Variants in ATM observed in about 807,000 individuals in gnomAD.
ATM encodes serine-protein kinase ATM.
In ATM, 308 loss-of-function variants were observed where a neutral mutation model predicts 387.0. The observed-to-expected ratio is 0.80, with a 90% CI of 0.73 to 0.87. The LOEUF is 0.87. ATM is among the 40% of genes least tolerant of loss of function. The pLI, the probability that ATM is intolerant of heterozygous loss-of-function variation, is 0.00. For missense variants in ATM, 3,312 were observed against 3,560.9 expected, an observed-to-expected ratio of 0.93 and a Z score of 1.78; for synonymous variants, 1,156 against 1,187.3, an observed-to-expected ratio of 0.97 and a Z score of 0.54.
intron 46 of ATM, 88 bp downstream of exon 46, chr11:108,325,632 T>A: frequency 8.9e-7 from 1 of 1,125,094 alleles, no homozygotes; most frequent in Non-Finnish European, 1.3e-6. Context: ...AAAAGAAATG[T>A]CATTAAGAGA....
chr11:108,292,716 G>A lies in ATM; in HGVS notation c.4534G>A (p.Ala1512Thr), dbSNP rs1060501653. 7 of 1,613,898 alleles carry A rather than the reference G, an allele frequency of 4.3e-6. No individual in the cohort carries two copies. The highest frequency in any genetic ancestry group is 5.9e-6 in the Non-Finnish European group (7 of 1,179,944). ...GACAGCCGTGACTTACTGTAAGGAT[G>A]CTCTAGAAAACCATCTTCATGTTAT... is the stretch of plus-strand genomic sequence containing the variant. ...CQTAVTYCKD[A>T]LENHLHVIVG... Residue 1512 changes from alanine to threonine, a missense_variant, in exon 30 of 63, where the codon GCT (alanine) becomes ACT (threonine). By Grantham distance (58) the Ala-to-Thr change is moderately conservative. Coordinates refer to ENST00000675843, the MANE Select transcript of ATM (RefSeq NM_000051.4).
intron 22 of ATM, among the ~76,000 whole-genome samples, chr11:108,274,129 T>TA (rs1170187712): frequency 2.0e-5 from 3 of 152,214 alleles, no homozygotes; most frequent in Non-Finnish European, 4.4e-5. Context: ...ATTTATCACT[T>TA]TCTTCTAGAT....
rs751677125 is a variant in ATM, at chr11:108,257,467, T to A, written c.2251-14T>A. 1 of 1,611,866 alleles carries A rather than the reference T, an allele frequency of 6.2e-7. No homozygotes were observed. The highest frequency in any genetic ancestry group is 1.7e-5 in the Admixed American group (1 of 60,024). The stretch of plus-strand genomic sequence containing the variant: ...TTTAACTGGAATTTGCATTTTTCCT[T>A]CTATTCACAATAGTCTCTAATGCAA... On this transcript the variant is annotated splice_polypyrimidine_tract_variant and intron_variant, in intron 14 of 62. Transcript: ENST00000675843.
intron 37 of ATM, among the ~76,000 whole-genome samples, chr11:108,307,129 CTTTTTCT>C (rs1366489275): frequency 6.6e-6 from 1 of 151,544 alleles, no homozygotes; most frequent in Non-Finnish European, 1.5e-5. Context: ...TCAGATATCA[CTTTTTCT>C]TTTTTCTTTT....
At chr11:108,327,378 G>C (rs2085779193) in intron 47 of ATM, 1 of 400,262 alleles carries the variant, frequency 2.5e-6, no homozygotes, top group Non-Finnish European at 4.7e-6. Context: ...TATATATAAA[G>C]CCTTTACAAA....
intron 52 of ATM, 89 bp downstream of exon 52, chr11:108,332,126 T>A (rs2136535939): frequency 6.5e-7 from 1 of 1,526,788 alleles, no homozygotes; most frequent in Non-Finnish European, 8.9e-7. Context: ...GTTATTAAGA[T>A]GCCATCTAAA....
At chr11:108,335,153 T>C (rs1244452536) in intron 55 of ATM, 44 bp downstream of exon 55, 3 of 1,612,962 alleles carry the variant, frequency 1.9e-6, no homozygotes, top group Non-Finnish European at 2.5e-6. Flanking sequence ...GTTTTAGTGA[T>C]GAAAATTTTT....
At position 108,365,214 on chromosome 11, in the gene ATM, C is replaced by A. The variant is rs142322668; in HGVS notation, c.8983C>A (p.Leu2995Ile). The change falls in exon 62 of 63, where the codon CTC (leucine) becomes ATC (isoleucine). Residue 2995 changes from leucine to isoleucine, a missense_variant. Physicochemically the swap from Leu to Ile is conservative, Grantham distance 5 (BLOSUM62 2). Transcript: ENST00000675843. ...AGATGACCAAGAATGCAAACGAAAT[C>A]TCAGGTGAGCAGTATTTTAAGAAGG... ...NADDQECKRN[L>I]SDIDQSFNKV... 9.9e-6 allele frequency: 16 copies of A among 1,614,186 alleles called. No homozygotes were observed. The highest frequency in any genetic ancestry group is 1.2e-5 in the Non-Finnish European group (14 of 1,180,034).
intron 13 of ATM, among the ~76,000 whole-genome samples, chr11:108,255,422 C>CTTT (rs538304080): frequency 2.3e-5 from 2 of 85,436 alleles, no homozygotes; most frequent in African/African-American, 9.1e-5. Flanking sequence ...ATTGTCTAAA[C>CTTT]TTTTTTTTTT....
chr11:108,323,683 T>C (rs1198757870), intron 45 of ATM, among the ~76,000 whole-genome samples: 1 of 152,206 alleles, frequency 6.6e-6, no homozygotes, highest in African/African-American at 2.4e-5. Flanking sequence ...ACAACTATTA[T>C]GTATCCATAA....
chr11:108,310,044 G>T, intron 38 of ATM, 116 bp from the exon 39 acceptor site: 2 of 1,086,012 alleles, frequency 1.8e-6, no homozygotes, highest in East Asian at 2.6e-5. Flanking sequence ...TGTGGTTTTT[G>T]GGAATTTGTA....
rs1185724534 is a variant in ATM, at chr11:108,271,423, T to C, written c.3077+17T>C. 1.9e-6 allele frequency: 3 copies of C among 1,613,814 alleles called. No individual in the cohort carries two copies. In the South Asian group the frequency reaches 3.3e-5, roughly 18 times the overall value. On this transcript the variant is annotated intron_variant, in intron 20 of 62. Transcript: ENST00000675843. ...AGCATTTTGGTAGGTACAGTCTATT[T>C]TGTGGTCCTATTTTTCTTTTGCTAT...
chr11:108,348,738 A>G (rs2088807499), intron 59 of ATM, among the ~76,000 whole-genome samples: 1 of 152,212 alleles, frequency 6.6e-6, no homozygotes, highest in Non-Finnish European at 1.5e-5. Flanking sequence ...TCAGAAAATA[A>G]TATATTGAGA....
At chr11:108,277,538 T>C (rs641312) in intron 22 of ATM, among the ~76,000 whole-genome samples, 94,342 of 152,044 alleles carry the variant, frequency 0.62, 29,648 homozygotes, top group Middle Eastern at 0.76. Context: ...TTGCAAAGAC[T>C]GCGGGAAAAG....
chr11:108,285,102 G>A (rs1330531367), intron 26 of ATM, among the ~76,000 whole-genome samples: 1 of 152,084 alleles, frequency 6.6e-6, no homozygotes, highest in Admixed American at 6.6e-5. Context: ...TGGGACTACA[G>A]CTGCGCACCA....
chr11:108,315,780 AT>A (rs778594061), intron 40 of ATM, 42 bp from the exon 41 acceptor site: 4 of 1,522,550 alleles, frequency 2.6e-6, no homozygotes, highest in Non-Finnish European at 3.6e-6. Flanking sequence ...TTATAGACCG[AT>A]TTTTTTTCCT....
intron 42 of ATM, 46 bp downstream of exon 42, chr11:108,316,159 T>C: frequency 1.3e-6 from 2 of 1,522,516 alleles, no homozygotes; most frequent in Non-Finnish European, 1.8e-6. Flanking sequence ...AGTGTAGTGC[T>C]GAGGTTATTT....
chr11:108,311,742 G>C (rs2084181341), intron 39 of ATM, among the ~76,000 whole-genome samples: 2 of 151,974 alleles, frequency 1.3e-5, no homozygotes, highest in South Asian at 4.2e-4. Context: ...ATGTATATAG[G>C]TAAATATTAG....
At chr11:108,325,249 G>GTTTTTTTTTTTTTTTTTTTTA in intron 45 of ATM, 61 bp from the exon 46 acceptor site, 1 of 565,840 alleles carries the variant, frequency 1.8e-6, no homozygotes, top group Non-Finnish European at 3.0e-6. Context: ...AACTTACATA[G>GTTTTTTTTTTTTTTTTTTTTA]TTTTTTTTTT....
Sources: allele counts gnomAD v4.1 joint callset (sites outside exome capture counted in the v4.1 genomes callset), GRCh38; gene constraint gnomAD v4.1.1; transcripts MANE v1.5; gene names NCBI Gene and HGNC (gene_info 2026-07-23, HGNC 2026-07-21).